The following TRPC3 variants were observed in gnomAD, a reference collection of about 807,000 sequenced individuals.
The protein encoded by TRPC3 is transient receptor potential cation channel subfamily C member 3.
Under a neutral mutation model 90.9 loss-of-function variants are expected in TRPC3, and 54 were observed. The ratio of observed to expected loss-of-function variants is 0.59; its 90% CI spans 0.48 to 0.75. The LOEUF (loss-of-function observed/expected upper bound fraction) is 0.75. TRPC3 is among the 30% of genes least tolerant of loss of function. The probability of loss-of-function intolerance (pLI) is 0.00; values close to 1 mark genes in which losing one functional copy is unlikely to be tolerated. For missense variants in TRPC3, 918 were observed against 1,194.5 expected, an observed-to-expected ratio of 0.77 and a Z score of 3.41; for synonymous variants, 424 against 450.9, an observed-to-expected ratio of 0.94 and a Z score of 0.75.
intron 1 of TRPC3, among the ~76,000 whole-genome samples, chr4:121,946,760 ACTAT>A (rs1204986793): frequency 3.3e-5 from 5 of 152,248 alleles, no homozygotes; most frequent in African/African-American, 9.6e-5. Context: ...GTCTTTTAGC[ACTAT>A]CTAACTTTTA....
At chr4:121,939,466 G>C (rs184342382) in intron 1 of TRPC3, among the ~76,000 whole-genome samples, 1 of 152,214 alleles carries the variant, frequency 6.6e-6, no homozygotes, top group Non-Finnish European at 1.5e-5. Flanking sequence ...CAGCAAAGCC[G>C]TGATGCTTAC....
intron 10 of TRPC3, among the ~76,000 whole-genome samples, chr4:121,893,864 T>C (rs550472962): frequency 4.6e-5 from 7 of 152,186 alleles, no homozygotes; most frequent in African/African-American, 1.7e-4. Context: ...AAAAGGAAGG[T>C]AAAACTCATT....
At chr4:121,945,189 A>C (rs535694427) in intron 1 of TRPC3, among the ~76,000 whole-genome samples, 1 of 152,350 alleles carries the variant, frequency 6.6e-6, no homozygotes, top group African/African-American at 2.4e-5. Context: ...GTTACGAGTA[A>C]GAATGTTCTT....
At chr4:121,942,028 G>T (rs1730336130) in intron 1 of TRPC3, among the ~76,000 whole-genome samples, 1 of 152,074 alleles carries the variant, frequency 6.6e-6, no homozygotes, top group Non-Finnish European at 1.5e-5. Context: ...ATAATACATT[G>T]TCACAGTAAC....
chr4:121,895,444 A>T (rs1728486556), intron 10 of TRPC3, among the ~76,000 whole-genome samples: 1 of 152,114 alleles, frequency 6.6e-6, no homozygotes, highest in Admixed American at 6.6e-5. Flanking sequence ...CATTAGCTAG[A>T]GTAACTTAAA....
intron 1 of TRPC3, among the ~76,000 whole-genome samples, chr4:121,935,564 T>C (rs767764927): frequency 7.9e-5 from 12 of 152,298 alleles, no homozygotes; most frequent in Non-Finnish European, 1.6e-4. Context: ...TAGTAATAAG[T>C]ATGTTTTATG....
intron 8 of TRPC3, among the ~76,000 whole-genome samples, chr4:121,903,815 T>C (rs1728785731): frequency 6.6e-6 from 1 of 152,082 alleles, no homozygotes; most frequent in African/African-American, 2.4e-5. Flanking sequence ...TGCAAAGCAC[T>C]AAAAAGATAC....
At chr4:121,913,599 T>G (rs1729188025) in intron 4 of TRPC3, among the ~76,000 whole-genome samples, 1 of 152,258 alleles carries the variant, frequency 6.6e-6, no homozygotes, top group African/African-American at 2.4e-5. Flanking sequence ...AAACCTGAAC[T>G]TTCCAACTCA....
At position 121,903,066 on chromosome 4, in the gene TRPC3, G is replaced by A. The variant is rs1364942892; in HGVS notation, c.2254-5C>T. 5 of 1,586,508 alleles carry A rather than the reference G, an allele frequency of 3.2e-6. No individual in the cohort carries two copies. Among genetic ancestry groups the A allele is most frequent in the Non-Finnish European group, 4.3e-6 (5 of 1,169,066 alleles). On this transcript the variant is annotated splice_region_variant and splice_polypyrimidine_tract_variant and intron_variant, in intron 8 of 11. Transcript: ENST00000379645. ...CCATTCTACATCACTGTCATCCTGT[G>A]TCACAAAAATAGAAAAAAAAACTAA...
At chr4:121,911,763 C>T in intron 5 of TRPC3, 114 bp downstream of exon 5, 3 of 1,061,836 alleles carry the variant, frequency 2.8e-6, no homozygotes, top group Non-Finnish European at 4.0e-6. Flanking sequence ...TATCTTGCAA[C>T]AGTGATGTTG....
chr4:121,921,297 C>A (rs1015598874), intron 3 of TRPC3, among the ~76,000 whole-genome samples: 1 of 151,644 alleles, frequency 6.6e-6, no homozygotes, highest in African/African-American at 2.4e-5. Context: ...CCGAGGCGGG[C>A]GGATCACGAG....
rs1729979209 is a variant in TRPC3, at chr4:121,932,565, C to T, written c.693G>A (p.Ser231=). ...YAYDEDGTRF[S]PDITPIILAA... ...CCAGGATGATGGGGGTGATGTCCGGCGAGAAGCGCGTGCCGTCCTCGTCGT... is the reference window on the plus strand; with the variant it reads ...CCAGGATGATGGGGGTGATGTCCGGTGAGAAGCGCGTGCCGTCCTCGTCGT... The change falls in exon 2 of 12, where the codon TCG becomes TCA. Residue 231 remains serine (S), a synonymous_variant. Coordinates refer to ENST00000379645, the MANE Select transcript of TRPC3 (RefSeq NM_001130698.2). The surrounding 1 kb of genome is among the most constrained non-coding windows in gnomAD (Gnocchi z 7.7). 1.9e-6 allele frequency: 3 copies of T among 1,614,106 alleles called. No individual in the cohort carries two copies. The highest frequency in any genetic ancestry group is 1.3e-5 in the African/African-American group (1 of 74,940).
intron 1 of TRPC3, among the ~76,000 whole-genome samples, chr4:121,936,113 C>G (rs746514210): frequency 4.6e-5 from 7 of 152,160 alleles, no homozygotes; most frequent in Non-Finnish European, 1.0e-4. Flanking sequence ...AAAGAGCTGA[C>G]TTAATATCAC....
rs978937944 is a variant in TRPC3 at position 121,883,635 on chromosome 4, T to C, written c.2548-1206A>G. Among the ~76,000 whole-genome samples the C allele has an allele frequency of 4.1e-4, 63 of 152,238 alleles. 4 individuals carry two copies. The highest frequency in any genetic ancestry group is 2.9e-5 in the Non-Finnish European group (2 of 68,042). On this transcript the variant is annotated intron_variant, in intron 10 of 11. Transcript: ENST00000379645. ...TAATAAATCTGGTTATGCCAAGTGT[T>C]AGAAAGGATATGGATCAATGGGGAC...
chr4:121,949,120 A>G (rs2149158839), intron 1 of TRPC3, among the ~76,000 whole-genome samples: 1 of 152,328 alleles, frequency 6.6e-6, no homozygotes, highest in East Asian at 1.9e-4. Context: ...CATATACTGA[A>G]TAACTGAAAC....
Position 121,879,544 on chromosome 4 carries a change from G to A in TRPC3, c.*192C>T. On this transcript the variant is annotated 3_prime_UTR_variant, in exon 12 of 12. Coordinates refer to ENST00000379645, the MANE Select transcript of TRPC3 (RefSeq NM_001130698.2). ...CAACACAATGGTATGCCACTGTAAT[G>A]TCAAAGCAGACAAATAAAATGCATT... 2 of 584,122 alleles carry A rather than the reference G, an allele frequency of 3.4e-6. No individual in the cohort carries two copies. The highest frequency in any genetic ancestry group is 2.8e-6 in the Non-Finnish European group (1 of 354,084). The allele number at this position is 584,122 out of a possible 1,614,324, so 36.2% of individuals were successfully genotyped here. A position where few individuals can be genotyped will look rare whatever the true frequency, so the allele number is the denominator to read the frequency against.
At chr4:121,948,916 A>G (rs1413036709) in intron 1 of TRPC3, among the ~76,000 whole-genome samples, 1 of 150,810 alleles carries the variant, frequency 6.6e-6, no homozygotes, top group Non-Finnish European at 1.5e-5. Context: ...AATTTACAGC[A>G]TAACTGCTCA....
intron 6 of TRPC3, 93 bp downstream of exon 6, chr4:121,910,058 TCTC>T: frequency 1.1e-6 from 1 of 892,366 alleles, no homozygotes; most frequent in South Asian, 1.6e-5. Context: ...TCAATACACC[TCTC>T]ATACTAAACA....
At chr4:121,939,989 C>G (rs1730251260) in intron 1 of TRPC3, among the ~76,000 whole-genome samples, 1 of 152,152 alleles carries the variant, frequency 6.6e-6, no homozygotes, top group South Asian at 2.1e-4. Context: ...GCAAGTTTAT[C>G]CAAATAAACA....
Sources: gnomAD v4.1 joint callset for allele counts (sites outside exome capture counted in the v4.1 genomes callset) on GRCh38, gnomAD v4.1.1 for gene constraint, Gnocchi (gnomAD v3.1) non-coding constraint, MANE v1.5 for transcripts, NCBI Gene and HGNC (gene_info 2026-07-23, HGNC 2026-07-21) for gene names.